ARHGAP22: variants seen among roughly 807,000 people sequenced by gnomAD.
ARHGAP22 encodes Rho GTPase activating protein 22.
ARHGAP22 carries 48 observed loss-of-function variants against 59.1 expected under a neutral mutation model. The observed-to-expected ratio is 0.81, with a 90% CI of 0.64 to 1.03. ARHGAP22 has a LOEUF of 1.03. Ranked by LOEUF, ARHGAP22 falls within the 50% of genes least tolerant of loss-of-function variation. ARHGAP22 has a pLI of 0.00. For missense variants in ARHGAP22, 1,015 were observed against 958.7 expected (o/e 1.06, Z -0.78); for synonymous variants, 445 against 416.4 (o/e 1.07, Z -0.84).
intron 5 of ARHGAP22, among the ~76,000 whole-genome samples, chr10:48,456,501 G>C (rs1019785787): frequency 6.6e-6 from 1 of 152,184 alleles, no homozygotes. Context: ...AACTGCCCTG[G>C]GTACCCAGGC....
intron 1 of ARHGAP22, among the ~76,000 whole-genome samples, chr10:48,593,260 C>T (rs2059874397): frequency 6.6e-6 from 1 of 152,226 alleles, no homozygotes; most frequent in South Asian, 2.1e-4. Context: ...TTTACCTCAA[C>T]ATTTACTTCA....
chr10:48,520,553 T>C (rs2053710647), intron 3 of ARHGAP22, among the ~76,000 whole-genome samples: 1 of 151,952 alleles, frequency 6.6e-6, no homozygotes, highest in African/African-American at 2.4e-5. Flanking sequence ...TCCCTGGTGC[T>C]GGGAAAGGAG....
rs571590244 is a variant in ARHGAP22, at chr10:48,623,688, C to G, written c.52+28546G>C. Among the ~76,000 whole-genome samples the G allele has an allele frequency of 2.8e-4, 43 of 152,252 alleles. 1 individual carries two copies. The highest frequency in any genetic ancestry group is 6.8e-3 in the Middle Eastern group (2 of 294). ...ACCTGGATGCTAAAGAACCCTGGACCCCTCACCAAGCTCCTGGTTAAGAGG... is the reference window on the plus strand; with the variant it reads ...ACCTGGATGCTAAAGAACCCTGGACGCCTCACCAAGCTCCTGGTTAAGAGG... On this transcript the variant is annotated intron_variant, in intron 1 of 9. Transcript: ENST00000435790.
At chr10:48,542,998 G>T (rs139182255) in intron 3 of ARHGAP22, among the ~76,000 whole-genome samples, 5 of 152,158 alleles carry the variant, frequency 3.3e-5, no homozygotes, top group African/African-American at 1.2e-4. Context: ...AGAGCAGCAC[G>T]GTCCTAGTGA....
intron 2 of ARHGAP22, among the ~76,000 whole-genome samples, chr10:48,561,720 A>T (rs2057698532): frequency 6.6e-6 from 1 of 152,240 alleles, no homozygotes; most frequent in African/African-American, 2.4e-5. Context: ...ATTGGAAGAT[A>T]AGCTCATGAG....
chr10:48,515,057 C>T (rs2053158227), intron 3 of ARHGAP22, among the ~76,000 whole-genome samples: 1 of 151,962 alleles, frequency 6.6e-6, no homozygotes, highest in African/African-American at 2.4e-5. Flanking sequence ...GTATAGAAAA[C>T]AAATTCCAAA....
upstream of ARHGAP22, among the ~76,000 whole-genome samples, chr10:48,655,058 TTCCTTCC>T (rs2062741142): frequency 7.5e-5 from 2 of 26,738 alleles, no homozygotes; most frequent in African/African-American, 1.2e-4. Context: ...TTCTTTCTCC[TTCCTTCC>T]CTCCTTCTCT....
chr10:48,605,033 C>A lies in ARHGAP22; in HGVS notation c.-237G>T. ...ATCCCAGAATTAATTCCCATCCAAGCGGACCATTAAAGCCTCAGTAATCAC... is the reference window on the plus strand; with the variant it reads ...ATCCCAGAATTAATTCCCATCCAAGAGGACCATTAAAGCCTCAGTAATCAC... On this transcript the variant is annotated 5_prime_UTR_variant, in exon 1 of 10. Coordinates refer to ENST00000249601, the MANE Select transcript of ARHGAP22 (RefSeq NM_021226.4). The A allele has an allele frequency of 2.1e-6, 3 of 1,429,082 alleles. No homozygotes were observed. The highest frequency in any genetic ancestry group is 2.7e-6 in the Non-Finnish European group (3 of 1,093,988). The allele number at this position is 1,429,082 out of a possible 1,614,324, so 88.5% of individuals were successfully genotyped here. A position where few individuals can be genotyped will look rare whatever the true frequency, so the allele number is the denominator to read the frequency against.
intron 3 of ARHGAP22, among the ~76,000 whole-genome samples, chr10:48,494,171 G>C (rs1589738438): frequency 1.5e-5 from 1 of 67,960 alleles, no homozygotes. Context: ...CACATGGTCT[G>C]TGTCACAGAC....
intron 3 of ARHGAP22, among the ~76,000 whole-genome samples, chr10:48,541,694 C>A (rs1046776357): frequency 2.6e-5 from 4 of 152,076 alleles, no homozygotes; most frequent in African/African-American, 9.7e-5. Context: ...GGAGTATAGA[C>A]CATGTTATGC....
rs538913810 is a variant in ARHGAP22 at position 48,547,129 on chromosome 10, G to A, written c.322+8334C>T. On this transcript the variant is annotated intron_variant, in intron 3 of 9. Coordinates refer to ENST00000249601, the MANE Select transcript of ARHGAP22 (RefSeq NM_021226.4). ...GTCTGTTGAGAGTGTGTGGAAAATG[G>A]GCACAAACAGGAAGATGGCTCCCAG... Among the ~76,000 whole-genome samples the A allele has an allele frequency of 2.0e-5, 3 of 152,308 alleles. No homozygotes were observed. In the South Asian group the frequency reaches 6.2e-4, roughly 32 times the overall value.
At chr10:48,585,352 C>T (rs4375396) in intron 1 of ARHGAP22, among the ~76,000 whole-genome samples, 11,612 of 152,206 alleles carry the variant, frequency 0.076, 475 homozygotes, top group Middle Eastern at 0.11. Context: ...CGGGCCTTCA[C>T]GGCCTCCATA....
chr10:48,610,559 G>A (rs2060842933), intron 1 of ARHGAP22, among the ~76,000 whole-genome samples: 1 of 152,226 alleles, frequency 6.6e-6, no homozygotes, highest in African/African-American at 2.4e-5. Flanking sequence ...GTCAGAGGAT[G>A]CCTAGTGTGG....
chr10:48,591,605 G>A lies in ARHGAP22; in HGVS notation c.35-8453C>T, dbSNP rs542944636. On this transcript the variant is annotated intron_variant, in intron 1 of 9. Coordinates refer to ENST00000249601, the MANE Select transcript of ARHGAP22 (RefSeq NM_021226.4). ...TTAAAGTTTGGCGATATCACATGTT[G>A]GCGAGGCTGTGAGTAATCCTAAGTC... Among the ~76,000 whole-genome samples the A allele has an allele frequency of 7.9e-5, 12 of 152,194 alleles. No homozygotes were observed. In the Middle Eastern group the frequency reaches 0.01, roughly 129 times the overall value.
intron 2 of ARHGAP22, among the ~76,000 whole-genome samples, chr10:48,569,813 G>T (rs1054810850): frequency 6.6e-6 from 1 of 152,170 alleles, no homozygotes; most frequent in African/African-American, 2.4e-5. Context: ...CAATTCGGGG[G>T]CAACCAAGAC....
chr10:48,536,818 T>C (rs1387241878), intron 3 of ARHGAP22, among the ~76,000 whole-genome samples: 1 of 152,148 alleles, frequency 6.6e-6, no homozygotes, highest in East Asian at 1.9e-4. Flanking sequence ...CTATTTCTTG[T>C]CAAAAAAGTG....
At chr10:48,470,536 C>G (rs547961673) in intron 4 of ARHGAP22, among the ~76,000 whole-genome samples, 1 of 152,288 alleles carries the variant, frequency 6.6e-6, no homozygotes, top group African/African-American at 2.4e-5. Flanking sequence ...CTCTGAACAC[C>G]CTCTATACCC....
chr10:48,444,506 T>G (rs2045278740), downstream of ARHGAP22: 2 of 152,260 alleles, frequency 1.3e-5, no homozygotes, highest in South Asian at 4.1e-4. Context: ...GTGGCAGATG[T>G]GGCTCAGGCA....
intron 4 of ARHGAP22, among the ~76,000 whole-genome samples, chr10:48,467,511 G>T (rs2047838663): frequency 6.6e-6 from 1 of 151,870 alleles, no homozygotes; most frequent in Non-Finnish European, 1.5e-5. Context: ...CTGACCAAAG[G>T]TGCAGACATA....
Sources: gnomAD v4.1 joint callset for allele counts (sites outside exome capture counted in the v4.1 genomes callset) on GRCh38, gnomAD v4.1.1 for gene constraint, MANE v1.5 for transcripts, NCBI Gene and HGNC (gene_info 2026-07-23, HGNC 2026-07-21) for gene names.